RBFOX1: variants seen among roughly 807,000 people sequenced by gnomAD.
RBFOX1 encodes the protein RNA binding fox-1 homolog 1.
Under a neutral mutation model 57.7 loss-of-function variants are expected in RBFOX1, and 8 were observed. That is an observed-to-expected ratio of 0.14 (90% CI 0.08 to 0.25). RBFOX1 has a LOEUF of 0.25. RBFOX1 is among the 10% of genes least tolerant of loss of function. The pLI, the probability that RBFOX1 is intolerant of heterozygous loss-of-function variation, is 1.00. For synonymous variants in RBFOX1, 326 were observed against 222.4 expected, an observed-to-expected ratio of 1.47 and a Z score of -4.15; for missense variants, 611 against 548.5, an observed-to-expected ratio of 1.11 and a Z score of -1.14.
chr16:5,865,705 T>G (rs1470931393), intron 3 of RBFOX1, among the ~76,000 whole-genome samples: 2 of 152,196 alleles, frequency 1.3e-5, no homozygotes, highest in Non-Finnish European at 2.9e-5. Context: ...TATTGGTCTG[T>G]GTCTTAGCCT....
chr16:5,581,229 G>A (rs1204375830), intron 2 of RBFOX1, among the ~76,000 whole-genome samples: 1 of 152,192 alleles, frequency 6.6e-6, no homozygotes, highest in South Asian at 2.1e-4. Flanking sequence ...AATTCTGCCA[G>A]TTCAGACCGA....
intron 4 of RBFOX1, among the ~76,000 whole-genome samples, chr16:7,212,843 A>C (rs2091398707): frequency 6.6e-6 from 1 of 152,210 alleles, no homozygotes. Context: ...AAAATCAAAA[A>C]ATAAAAAGAA....
At chr16:5,633,198 A>T (rs2048575012) in intron 3 of RBFOX1, among the ~76,000 whole-genome samples, 1 of 151,974 alleles carries the variant, frequency 6.6e-6, no homozygotes, top group South Asian at 2.1e-4. Flanking sequence ...CGGCCTCCCA[A>T]AGTGCTGGGA....
intron 4 of RBFOX1, among the ~76,000 whole-genome samples, chr16:7,154,713 G>A (rs2076754213): frequency 6.6e-6 from 1 of 151,002 alleles, no homozygotes; most frequent in South Asian, 2.1e-4. Context: ...GTGTGTGTGT[G>A]TGTGTGTGTG....
At chr16:5,880,494 C>T (rs139285261) in intron 4 of RBFOX1, among the ~76,000 whole-genome samples, 46 of 152,296 alleles carry the variant, frequency 3.0e-4, no homozygotes, top group African/African-American at 1.1e-3. Flanking sequence ...TATTCTGCAT[C>T]GTATTTCAAT....
chr16:7,312,527 G>T (rs945507367), intron 4 of RBFOX1, among the ~76,000 whole-genome samples: 1 of 152,130 alleles, frequency 6.6e-6, no homozygotes, highest in African/African-American at 2.4e-5. Flanking sequence ...CAAGGACACA[G>T]ACACAAGGGA....
chr16:5,823,783 A>G (rs2055940323), intron 3 of RBFOX1, among the ~76,000 whole-genome samples: 1 of 152,160 alleles, frequency 6.6e-6, no homozygotes, highest in African/African-American at 2.4e-5. Context: ...TCACCCCCAG[A>G]TGGGACTGTC....
chr16:7,169,420 G>T (rs938864172), intron 4 of RBFOX1, among the ~76,000 whole-genome samples: 3 of 152,182 alleles, frequency 2.0e-5, no homozygotes, highest in Non-Finnish European at 4.4e-5. Context: ...TTTGCACGAT[G>T]TTTAACGGAA....
chr16:6,505,909 C>G (rs1003665643), intron 2 of RBFOX1, among the ~76,000 whole-genome samples: 1 of 152,102 alleles, frequency 6.6e-6, no homozygotes, highest in Non-Finnish European at 1.5e-5. Flanking sequence ...GAACCTGTTA[C>G]CTAGGAGCAT....
intron 4 of RBFOX1, among the ~76,000 whole-genome samples, chr16:5,912,345 C>T (rs2058620361): frequency 6.6e-6 from 1 of 152,136 alleles, no homozygotes; most frequent in Non-Finnish European, 1.5e-5. Context: ...GTTTGTGTCC[C>T]ATTGATGCCT....
rs199654094 is a variant in RBFOX1, at chr16:7,136,925, G to C, written c.27+84827G>C. Among the ~76,000 whole-genome samples the C allele has an allele frequency of 7.2e-5, 11 of 152,272 alleles. No individual in the cohort carries two copies. In the East Asian group the frequency reaches 1.7e-3, roughly 24 times the overall value. On this transcript the variant is annotated intron_variant, in intron 4 of 15. Coordinates refer to ENST00000550418, the MANE Select transcript of RBFOX1 (RefSeq NM_018723.4). ...GGAGGCATCTAGAAGTTTGCGCTGG[G>C]GCCCTTTCATTCCTCGTCATGGCCC...
chr16:7,124,509 C>A (rs1389717058), intron 4 of RBFOX1, among the ~76,000 whole-genome samples: 1 of 44,594 alleles, frequency 2.2e-5, no homozygotes, highest in African/African-American at 8.8e-5. Context: ...CGCTCCCCCT[C>A]CCCTCCCCTC....
intron 3 of RBFOX1, among the ~76,000 whole-genome samples, chr16:5,845,514 C>G (rs772395276): frequency 6.6e-6 from 1 of 152,200 alleles, no homozygotes; most frequent in Non-Finnish European, 1.5e-5. Context: ...AGGAAATTGA[C>G]GAGTGTGAAT....
At chr16:6,178,936 T>C (rs1412548407) in intron 1 of RBFOX1, among the ~76,000 whole-genome samples, 1 of 152,122 alleles carries the variant, frequency 6.6e-6, no homozygotes, top group Non-Finnish European at 1.5e-5. Flanking sequence ...CAACAACAAA[T>C]TAGGGGCCAA....
chr16:7,482,702 G>A (rs1323356031), intron 4 of RBFOX1, among the ~76,000 whole-genome samples: 6 of 151,916 alleles, frequency 3.9e-5, no homozygotes, highest in Non-Finnish European at 5.9e-5. Context: ...CTTGCACTTC[G>A]AATCCACAAT....
chr16:5,751,909 C>G (rs2053220840), intron 3 of RBFOX1, among the ~76,000 whole-genome samples: 1 of 152,140 alleles, frequency 6.6e-6, no homozygotes, highest in Non-Finnish European at 1.5e-5. Flanking sequence ...TTTGACCCAG[C>G]AATCCCATTC....
At chr16:6,888,128 C>G (rs1474074476) in intron 3 of RBFOX1, among the ~76,000 whole-genome samples, 2 of 152,008 alleles carry the variant, frequency 1.3e-5, no homozygotes, top group African/African-American at 2.4e-5. Context: ...CCCTGGAGGA[C>G]AGGTTTTATT....
chr16:5,546,236 A>T (rs8055180), intron 2 of RBFOX1, among the ~76,000 whole-genome samples: 1 of 151,978 alleles, frequency 6.6e-6, no homozygotes, highest in African/African-American at 2.4e-5. Flanking sequence ...TAAGGTGTCA[A>T]TTCTCCCAAA....
In RBFOX1 at chr16:6,654,793, A is replaced by G. The variant is rs572537573; in HGVS notation, c.-16+143A>G. 14 of 576,450 alleles carry G rather than the reference A, an allele frequency of 2.4e-5. No individual in the cohort carries two copies. The East Asian group carries it at 3.3e-4, about 14-fold the overall frequency. 35.7% of individuals were successfully genotyped at this position (576,450 alleles called of 1,614,324 possible). A position where few individuals can be genotyped will look rare whatever the true frequency, so the allele number is the denominator to read the frequency against. On this transcript the variant is annotated intron_variant, in intron 3 of 15. Transcript: ENST00000550418. ...GACATATTTAAAGACAATCAGACTT[A>G]AAAATGCTTGTCATTTTACTCCTTT...
Sources: allele counts gnomAD v4.1 joint callset (sites outside exome capture counted in the v4.1 genomes callset), GRCh38; gene constraint gnomAD v4.1.1; transcripts MANE v1.5; gene names NCBI Gene and HGNC (gene_info 2026-07-23, HGNC 2026-07-21).